OSBPL8: variants seen among roughly 807,000 people sequenced by gnomAD.
The protein encoded by OSBPL8 is oxysterol-binding protein-related protein 8.
In OSBPL8, 59 loss-of-function variants were observed where a neutral mutation model predicts 125.5. That is an observed-to-expected ratio of 0.47 (90% CI 0.38 to 0.58). The LOEUF (loss-of-function observed/expected upper bound fraction) is 0.58, where lower values mean the gene tolerates loss of function less well. Ranked by LOEUF, OSBPL8 falls within the 20% of genes least tolerant of loss-of-function variation. The pLI is 0.00. For synonymous variants in OSBPL8, 330 were observed against 338.9 expected (o/e 0.97, Z 0.29); for missense variants, 758 against 1,047.8 (o/e 0.72, Z 3.82).
chr12:76,547,105 A>G (rs904419515), intron 1 of OSBPL8, among the ~76,000 whole-genome samples: 3 of 152,168 alleles, frequency 2.0e-5, no homozygotes, highest in African/African-American at 7.2e-5. Context: ...GAGAATTACG[A>G]CTCCAATTAC....
At chr12:76,416,668 C>T (rs1868710363) in intron 4 of OSBPL8, among the ~76,000 whole-genome samples, 2 of 151,950 alleles carry the variant, frequency 1.3e-5, no homozygotes, top group Non-Finnish European at 1.5e-5. Context: ...TGCTTTTTAT[C>T]CCTAGTCCTT....
intron 2 of OSBPL8, among the ~76,000 whole-genome samples, chr12:76,481,281 C>T (rs551058071): frequency 2.6e-5 from 4 of 152,062 alleles, no homozygotes; most frequent in Non-Finnish European, 5.9e-5. Context: ...CAATGACCAA[C>T]GGTAAAATTT....
At chr12:76,501,190 A>C (rs1197755255) in intron 1 of OSBPL8, among the ~76,000 whole-genome samples, 2 of 152,200 alleles carry the variant, frequency 1.3e-5, no homozygotes, top group African/African-American at 4.8e-5. Flanking sequence ...TTTAAATCCC[A>C]ATTTATAATT....
intron 1 of OSBPL8, among the ~76,000 whole-genome samples, chr12:76,500,424 C>T (rs982608115): frequency 6.6e-5 from 10 of 152,312 alleles, no homozygotes; most frequent in African/African-American, 1.9e-4. Context: ...CGAAGGCTTC[C>T]TTGATTTCCC....
Position 76,402,719 on chromosome 12 carries a change from T to C in OSBPL8, c.336A>G (p.Ser112=). ...YNGSEKDSST[S]SKLTKKESLK... ...GAGATTCTTTTTTTGTGAGTTTGCT[T>C]GAAGTTGAACTGTCCTTCTCTGAGC... Residue 112 remains serine (S), a synonymous_variant, in exon 6 of 24, where the codon TCA becomes TCG. Transcript: ENST00000261183. The C allele has an allele frequency of 6.2e-7, 1 of 1,608,838 alleles. No individual in the cohort carries two copies. Among genetic ancestry groups the C allele is most frequent in the Non-Finnish European group, 8.5e-7 (1 of 1,175,638 alleles).
rs188263915 is a variant in OSBPL8, at chr12:76,369,835, C to G, written c.2055-13G>C. 1 of 1,582,218 alleles carries G rather than the reference C, an allele frequency of 6.3e-7. No homozygotes were observed. The highest frequency in any genetic ancestry group is 1.8e-5 in the Admixed American group (1 of 54,994). On this transcript the variant is annotated splice_polypyrimidine_tract_variant and intron_variant, in intron 19 of 23. Transcript: ENST00000261183. The stretch of plus-strand genomic sequence containing the variant: ...CCGTTGCCAGAGTCTAATACATGTG[C>G]GAAAATATTAAAAGTATTAAAAATG...
chr12:76,509,193 T>C (rs556283693), intron 1 of OSBPL8, among the ~76,000 whole-genome samples: 2 of 152,164 alleles, frequency 1.3e-5, no homozygotes, highest in Non-Finnish European at 2.9e-5. Context: ...GTAAAACATG[T>C]TGTACAGATT....
At chr12:76,444,226 T>C (rs1872519207) in intron 4 of OSBPL8, among the ~76,000 whole-genome samples, 1 of 152,198 alleles carries the variant, frequency 6.6e-6, no homozygotes, top group Admixed American at 6.5e-5. Context: ...AATTCTTAAA[T>C]TGATGGTAAG....
chr12:76,551,114 CACT>C (rs1950924539), intron 1 of OSBPL8, among the ~76,000 whole-genome samples: 1 of 152,102 alleles, frequency 6.6e-6, no homozygotes, highest in African/African-American at 2.4e-5. Context: ...CACACACACA[CACT>C]AGAAACTAGG....
intron 16 of OSBPL8, among the ~76,000 whole-genome samples, chr12:76,377,532 T>C (rs1952874793): frequency 6.6e-6 from 1 of 152,254 alleles, no homozygotes; most frequent in South Asian, 2.1e-4. Context: ...TCAGTGATAA[T>C]GAGCTTTTTT....
chr12:76,493,033 T>A (rs1041303995), intron 1 of OSBPL8, among the ~76,000 whole-genome samples: 1 of 152,210 alleles, frequency 6.6e-6, no homozygotes, highest in Non-Finnish European at 1.5e-5. Context: ...TCAAAAATAG[T>A]TGGAAACCAC....
intron 5 of OSBPL8, among the ~76,000 whole-genome samples, chr12:76,407,147 G>A (rs1954295729): frequency 6.6e-6 from 1 of 152,050 alleles, no homozygotes; most frequent in South Asian, 2.1e-4. Flanking sequence ...ACTCAGATAA[G>A]AATAAAAATC....
intron 1 of OSBPL8, among the ~76,000 whole-genome samples, chr12:76,550,447 C>A (rs1298069724): frequency 1.3e-5 from 2 of 152,138 alleles, no homozygotes; most frequent in Non-Finnish European, 2.9e-5. Flanking sequence ...GTGGACATGA[C>A]AGCTGAGATT....
intron 7 of OSBPL8, 135 bp downstream of exon 7, chr12:76,399,738 A>G (rs1015147743): frequency 1.7e-6 from 1 of 579,376 alleles, no homozygotes; most frequent in Non-Finnish European, 2.9e-6. Context: ...GAATACAATA[A>G]TAGTTTCTTT....
intron 4 of OSBPL8, among the ~76,000 whole-genome samples, chr12:76,431,041 T>C (rs1047841450): frequency 6.6e-6 from 1 of 151,914 alleles, no homozygotes; most frequent in African/African-American, 2.4e-5. Context: ...AAGACAGAAG[T>C]AGAATAACTA....
intron 9 of OSBPL8, 105 bp downstream of exon 9, chr12:76,394,540 C>A (rs1005506286): frequency 6.4e-6 from 5 of 781,746 alleles, no homozygotes; most frequent in East Asian, 2.8e-5. Context: ...GCTTCTGCTG[C>A]AAATGCCATA....
rs1873296599 is a variant in OSBPL8 at position 76,450,787 on chromosome 12, C to T, written c.217+64G>A. 8 of 1,459,964 alleles carry T rather than the reference C, an allele frequency of 5.5e-6. 1 individual carries two copies. The highest frequency in any genetic ancestry group is 1.8e-4 in the Middle Eastern group (1 of 5,694). The allele number at this position is 1,459,964 out of a possible 1,614,324, so 90.4% of individuals were successfully genotyped here. The stretch of plus-strand genomic sequence containing the variant: ...TATGATAGTCCCCAAATGTCATTCT[C>T]CCCTTCTCCCCTCCAAAAACAAAAA... On this transcript the variant is annotated intron_variant, in intron 4 of 23. Transcript: ENST00000261183.
Position 76,371,410 on chromosome 12 carries a change from T to C in OSBPL8, c.2054+38A>G, listed in dbSNP as rs780223270. The C allele has an allele frequency of 2.6e-6, 4 of 1,541,882 alleles. No individual in the cohort carries two copies. The East Asian group carries it at 9.1e-5, about 35-fold the overall frequency. The stretch of plus-strand genomic sequence containing the variant: ...ATTAAGGAATTGAAAAACTACTCTC[T>C]GATCCTCATGAAGTTAGCTGTAAAA... On this transcript the variant is annotated intron_variant, in intron 19 of 23. Coordinates refer to ENST00000261183, the MANE Select transcript of OSBPL8 (RefSeq NM_020841.5).
chr12:76,406,841 G>T (rs910822738), intron 5 of OSBPL8, among the ~76,000 whole-genome samples: 1 of 152,086 alleles, frequency 6.6e-6, no homozygotes, highest in Non-Finnish European at 1.5e-5. Context: ...TCGAACTCCT[G>T]GGCTCATGCA....
Sources: allele counts gnomAD v4.1 joint callset (sites outside exome capture counted in the v4.1 genomes callset), GRCh38; gene constraint gnomAD v4.1.1; transcripts MANE v1.5; gene names NCBI Gene and HGNC (gene_info 2026-07-23, HGNC 2026-07-21).